Variants in SF3B2 observed in about 807,000 individuals in gnomAD.
SF3B2 encodes the protein SAP 145.
A neutral mutation model predicts 116.3 loss-of-function variants in SF3B2; 22 were observed. That is an observed-to-expected ratio of 0.19 (90% CI 0.14 to 0.27). SF3B2 has a LOEUF of 0.27. Ranked by LOEUF, SF3B2 falls within the 10% of genes least tolerant of loss-of-function variation. SF3B2 has a pLI of 1.00. For synonymous variants in SF3B2, 406 were observed against 421.6 expected (o/e 0.96, Z 0.45); for missense variants, 767 against 1,151.4 (o/e 0.67, Z 4.83).
At chr11:66,064,588 G>A (rs895992061) in intron 19 of SF3B2, 3 of 152,128 alleles carry the variant, frequency 2.0e-5, no homozygotes, top group African/African-American at 7.2e-5. Flanking sequence ...AAGCCATGTA[G>A]TTACCATTTT....
Position 66,053,011 on chromosome 11 carries a change from CCTTTCT to C in SF3B2, c.181-11_181-6del. On this transcript the variant is annotated splice_polypyrimidine_tract_variant and intron_variant, in intron 2 of 21. Coordinates refer to ENST00000322535, the MANE Select transcript of SF3B2 (RefSeq NM_006842.3). Reference sequence around the variant, plus strand: ...AGCTAGTTTTGGACTGACCTAGAGTCCTTTCTCTTTTGCAGACTGGCATCGTGCTGA... The same window carrying C: ...AGCTAGTTTTGGACTGACCTAGAGTCCTTTTGCAGACTGGCATCGTGCTGA... The C allele has an allele frequency of 6.2e-7, 1 of 1,613,740 alleles. No individual in the cohort carries two copies. The highest frequency in any genetic ancestry group is 8.5e-7 in the Non-Finnish European group (1 of 1,179,614).
rs776716493 is a variant in SF3B2 at position 66,060,013 on chromosome 11, A to G, written c.1629+4A>G. 4 of 1,612,468 alleles carry G rather than the reference A, an allele frequency of 2.5e-6. No homozygotes were observed. The African/African-American group carries it at 5.3e-5, about 22-fold the overall frequency. On this transcript the variant is annotated splice_donor_region_variant and intron_variant, in intron 13 of 21. Transcript: ENST00000322535. ...GCGAGAGGCCCTGCAGGAGAAGGTG[A>G]GGGCCTGGCAGGGCTCAGACCTGCC...
At position 66,061,984 on chromosome 11, in the gene SF3B2, T is replaced by G; in HGVS notation, c.1963T>G (p.Ser655Ala). 1 of 1,611,986 alleles carries G rather than the reference T, an allele frequency of 6.2e-7. No homozygotes were observed. Reference protein sequence around the residue: ...YPNLKIPGLNSPIPESCSFGY... With the variant: ...YPNLKIPGLNAPIPESCSFGY... ...CAACCTGAAAATCCCTGGGCTGAAC[T>G]CGCCCATCCCTGAGGTGAGCATTGT... is the stretch of plus-strand genomic sequence containing the variant. Residue 655 changes from serine to alanine, a missense_variant, in exon 16 of 22, where the codon TCG becomes GCG. By Grantham distance (99) the Ser-to-Ala change is moderately conservative. Around this residue, in one of 4 missense-constraint regions of SF3B2, gnomAD observed 282 missense variants for 568.0 expected, o/e 0.50. Transcript: ENST00000322535.
intron 5 of SF3B2, among the ~76,000 whole-genome samples, chr11:66,056,506 A>T (rs932462958): frequency 1.3e-5 from 2 of 152,124 alleles, no homozygotes; most frequent in Non-Finnish European, 2.9e-5. Flanking sequence ...AAAAGAGCTC[A>T]AAAGTTTCTT....
rs1590715338 is a variant in SF3B2 at position 66,062,127 on chromosome 11, T to C, written c.1977+129T>C. ...CTTAAAAAATATTTTATTGACATAA[T>C]ATTTGTCATATACCATGTGTATGTG... On this transcript the variant is annotated intron_variant, in intron 16 of 21. Coordinates refer to ENST00000322535, the MANE Select transcript of SF3B2 (RefSeq NM_006842.3). 2.5e-5 allele frequency: 18 copies of C among 715,364 alleles called. No homozygotes were observed. The South Asian group carries it at 3.0e-4, about 12-fold the overall frequency. 44.3% of individuals were successfully genotyped at this position (715,364 alleles called of 1,614,324 possible). A position where few individuals can be genotyped will look rare whatever the true frequency, so the allele number is the denominator to read the frequency against.
rs201160612 is a variant in SF3B2, at chr11:66,068,045, G to A, written c.2430G>A (p.Thr810=). The change falls in exon 20 of 22, where the codon ACG becomes ACA. Residue 810 remains threonine, a splice_region_variant and synonymous_variant. Coordinates refer to ENST00000322535, the MANE Select transcript of SF3B2 (RefSeq NM_006842.3). ...CAACCCACATTTATGACATGTCCACGGTGAGTACTTGGAGGATACTGCTTT... is the reference window on the plus strand; with the variant it reads ...CAACCCACATTTATGACATGTCCACAGTGAGTACTTGGAGGATACTGCTTT... ...MGSTHIYDMS[T]VMSRKGPAPE... is the part of the protein sequence containing the mutation. The A allele has an allele frequency of 1.2e-4, 197 of 1,613,934 alleles. No individual in the cohort carries two copies. The highest frequency in any genetic ancestry group is 4.7e-4 in the East Asian group (21 of 44,872).
In SF3B2 at chr11:66,063,412, G is replaced by A; in HGVS notation, c.2098G>A (p.Glu700Lys). The change falls in exon 18 of 22, where the codon GAA (glutamate) becomes AAA (lysine). Residue 700 changes from glutamate (E) to lysine (K), a missense_variant. This residue lies in a region of SF3B2 where 282 missense variants were observed against 568.0 expected (regional missense o/e 0.50). Coordinates refer to ENST00000322535, the MANE Select transcript of SF3B2 (RefSeq NM_006842.3). ...TGATCTCTTTCAGACCAAGACTGAG[G>A]AAGAAGAGATTGATCGGACCCCTTG... is the stretch of plus-strand genomic sequence containing the variant. ...NAAEFQTKTE[E>K]EEIDRTPWGE... 1 of 1,613,208 alleles carries A rather than the reference G, an allele frequency of 6.2e-7. No individual in the cohort carries two copies. The highest frequency in any genetic ancestry group is 1.1e-5 in the South Asian group (1 of 90,998).
intron 5 of SF3B2, among the ~76,000 whole-genome samples, 167 bp from the exon 6 acceptor site, chr11:66,056,671 C>T (rs771846461): frequency 2.0e-5 from 3 of 152,092 alleles, no homozygotes; most frequent in Non-Finnish European, 4.4e-5. Context: ...AGGGCTCCTC[C>T]GTTTGGATTA....
At chr11:66,053,503 ACT>A (rs1010557735) in intron 3 of SF3B2, 1 of 213,642 alleles carries the variant, frequency 4.7e-6, no homozygotes, top group African/African-American at 2.3e-5. Context: ...ACATAGTGAG[ACT>A]CTGTTACTAC....
Position 66,058,323 on chromosome 11 carries a change from A to G in SF3B2, c.884A>G (p.Glu295Gly), listed in dbSNP as rs776432659. 8 of 1,613,988 alleles carry G rather than the reference A, an allele frequency of 5.0e-6. No individual in the cohort carries two copies. Among genetic ancestry groups the G allele is most frequent in the Non-Finnish European group, 4.2e-6 (5 of 1,179,966 alleles). The stretch of plus-strand genomic sequence containing the variant: ...ACCTTCTTCCTTACAGAGGAAGAGG[A>G]AATGGAAACAGATGCTCGCTCGTCC... ...EEMNSQQEEE[E>G]METDARSSLG... The change falls in exon 9 of 22, where the codon GAA becomes GGA. Residue 295 changes from glutamate to glycine, a missense_variant. Physicochemically the swap from Glu to Gly is moderately conservative, Grantham distance 98. Coordinates refer to ENST00000322535, the MANE Select transcript of SF3B2 (RefSeq NM_006842.3).
intron 16 of SF3B2, among the ~76,000 whole-genome samples, 179 bp from the exon 17 acceptor site, chr11:66,062,830 A>T (rs1393212951): frequency 6.6e-6 from 1 of 152,124 alleles, no homozygotes; most frequent in Non-Finnish European, 1.5e-5. Context: ...TTGCCTCCAG[A>T]TTTTAGTTGT....
At chr11:66,058,741 TG>T in intron 9 of SF3B2, 88 bp from the exon 10 acceptor site, 1 of 1,098,732 alleles carries the variant, frequency 9.1e-7, no homozygotes, top group South Asian at 1.5e-5. Flanking sequence ...TGTTGAACTG[TG>T]GGGGAGAATG....
At position 66,057,393 on chromosome 11, in the gene SF3B2, T is replaced by A. The variant is rs968573642; in HGVS notation, c.777+18T>A. On this transcript the variant is annotated intron_variant, in intron 7 of 21. Coordinates refer to ENST00000322535, the MANE Select transcript of SF3B2 (RefSeq NM_006842.3). Reference sequence around the variant, plus strand: ...ACAGAGAGGTGAGACTGATGATTTATTCCTAGGGATAAGAGAGTGGTAGTT... The same window carrying A: ...ACAGAGAGGTGAGACTGATGATTTAATCCTAGGGATAAGAGAGTGGTAGTT... The A allele has an allele frequency of 1.1e-5, 13 of 1,132,062 alleles. No homozygotes were observed. The highest frequency in any genetic ancestry group is 1.7e-5 in the Non-Finnish European group (13 of 746,190). 70.1% of individuals were successfully genotyped at this position (1,132,062 alleles called of 1,614,324 possible). A position where few individuals can be genotyped will look rare whatever the true frequency, so the allele number is the denominator to read the frequency against.
intron 18 of SF3B2, 28 bp downstream of exon 18, chr11:66,063,570 A>C: frequency 6.2e-7 from 1 of 1,611,390 alleles, no homozygotes; most frequent in South Asian, 1.1e-5. Context: ...TGCCTCTTGG[A>C]AGTGGGCTAT....
rs1857232849 is a variant in SF3B2, at chr11:66,068,583, TTCTATG to T, written c.2617-82_2617-77del. On this transcript the variant is annotated intron_variant, in intron 21 of 21. Transcript: ENST00000322535. Reference sequence around the variant, plus strand: ...CAGATTCAGCGCCTTTCCCACAGACTTCTATGTCTATGTCAGGCTGCCCACCCTTGT... The same window carrying T: ...CAGATTCAGCGCCTTTCCCACAGACTTCTATGTCAGGCTGCCCACCCTTGT... The T allele has an allele frequency of 5.2e-6, 6 of 1,151,856 alleles. No homozygotes were observed. The South Asian group carries it at 6.4e-5, about 12-fold the overall frequency. 71.4% of individuals were successfully genotyped at this position (1,151,856 alleles called of 1,614,324 possible). A position where few individuals can be genotyped will look rare whatever the true frequency, so the allele number is the denominator to read the frequency against.
chr11:66,052,879 T>A, intron 2 of SF3B2, 148 bp from the exon 3 acceptor site: 1 of 1,199,622 alleles, frequency 8.3e-7, no homozygotes, highest in East Asian at 2.3e-5. Context: ...TAGTTGTAAT[T>A]TCTTGTATCC....
At chr11:66,067,355 C>T (rs571481101) in intron 19 of SF3B2, 4 of 454,936 alleles carry the variant, frequency 8.8e-6, no homozygotes, top group South Asian at 3.1e-5. Flanking sequence ...TGACAGGACC[C>T]GACATCCGTT....
Position 66,063,017 on chromosome 11 carries a change from C to T in SF3B2, c.1986C>T (p.Ser662=). Residue 662 remains serine, a synonymous_variant, in exon 17 of 22, where the codon TCC becomes TCT. Transcript: ENST00000322535. Reference sequence around the variant, plus strand: ...TGCTCACTGTCTTGCAGAGCTGTTCCTTTGGGTACCATGCTGGTGGCTGGG... The same window carrying T: ...TGCTCACTGTCTTGCAGAGCTGTTCTTTTGGGTACCATGCTGGTGGCTGGG... ...GLNSPIPESC[S]FGYHAGGWGK... is the part of the protein sequence containing the mutation. 1 of 1,613,178 alleles carries T rather than the reference C, an allele frequency of 6.2e-7. No homozygotes were observed. Among genetic ancestry groups the T allele is most frequent in the South Asian group, 1.1e-5 (1 of 90,986 alleles).
In SF3B2 at chr11:66,058,163, C is replaced by T. The variant is rs754702160; in HGVS notation, c.874+13C>T. 17 of 1,602,116 alleles carry T rather than the reference C, an allele frequency of 1.1e-5. No individual in the cohort carries two copies. Among genetic ancestry groups the T allele is most frequent in the Admixed American group, 3.5e-5 (2 of 57,822 alleles). On this transcript the variant is annotated intron_variant, in intron 8 of 21. Transcript: ENST00000322535. ...AATTCTCAGCAGGGTGAGTGCCAGGCGTTCTGATGCTGTAGCCACAGAACC... is the reference window on the plus strand; with the variant it reads ...AATTCTCAGCAGGGTGAGTGCCAGGTGTTCTGATGCTGTAGCCACAGAACC...
Sources: gnomAD v4.1 joint callset for allele counts (sites outside exome capture counted in the v4.1 genomes callset) on GRCh38, gnomAD v4.1.1 for gene constraint, gnomAD v4.1.1 regional missense constraint, MANE v1.5 for transcripts, NCBI Gene and HGNC (gene_info 2026-07-23, HGNC 2026-07-21) for gene names.